The following USP36 variants were observed in gnomAD, a reference collection of about 807,000 sequenced individuals.
USP36 encodes the protein ubiquitin carboxyl-terminal hydrolase 36.
In USP36, 59 loss-of-function variants were observed where a neutral mutation model predicts 111.5. The ratio of observed to expected loss-of-function variants is 0.53; its 90% CI spans 0.43 to 0.66. The LOEUF is 0.66. Ranked by LOEUF, USP36 falls within the 30% of genes least tolerant of loss-of-function variation. The pLI is 0.00. For synonymous variants in USP36, 628 were observed against 581.0 expected, an observed-to-expected ratio of 1.08 and a Z score of -1.16; for missense variants, 1,488 against 1,468.0, an observed-to-expected ratio of 1.01 and a Z score of -0.22.
rs1425656675 is a variant in USP36, at chr17:78,803,334, G to T, written c.2810+51C>A. 6.4e-7 allele frequency: 1 copy of T among 1,557,614 alleles called. No individual in the cohort carries two copies. The highest frequency in any genetic ancestry group is 1.2e-5 in the South Asian group (1 of 84,792). ...ACTTGGGGGTAGATTCTGTGGTTTT[G>T]CTTTGTTTCTCGTCAGAGGTAGACA... On this transcript the variant is annotated intron_variant, in intron 16 of 20. Coordinates refer to ENST00000449938, the MANE Select transcript of USP36 (RefSeq NM_001385174.1). This position sits in a 1 kb window ranked among gnomAD's most constrained non-coding sequence, Gnocchi z 4.6.
chr17:78,815,298 C>G (rs2094153321), intron 10 of USP36, among the ~76,000 whole-genome samples: 1 of 152,198 alleles, frequency 6.6e-6, no homozygotes, highest in South Asian at 2.1e-4. Flanking sequence ...TACCACTGCA[C>G]TCCAGCCTCG....
At chr17:78,841,424 A>G (rs1405269621), upstream of USP36, 1 of 152,288 alleles carries the variant, frequency 6.6e-6, no homozygotes, top group South Asian at 2.1e-4. Flanking sequence ...TGCCGAGGAA[A>G]TGGCTCTTCG....
At chr17:78,832,503 T>A (rs781409034) in intron 4 of USP36, among the ~76,000 whole-genome samples, 1 of 152,252 alleles carries the variant, frequency 6.6e-6, no homozygotes, top group Non-Finnish European at 1.5e-5. Context: ...GGCGTTCCCC[T>A]TGAAGGGATG....
chr17:78,825,346 C>T (rs2067441808), intron 6 of USP36, among the ~76,000 whole-genome samples: 3 of 152,090 alleles, frequency 2.0e-5, no homozygotes, highest in African/African-American at 7.2e-5. Context: ...GACAAAAAGG[C>T]CCCTCCACCT....
rs200528045 is a variant in USP36 at position 78,798,947 on chromosome 17, G to A, written c.3201C>T (p.Thr1067=). Reference sequence around the variant, plus strand: ...ACTCTTCGTCCCAGTCATCAACCACGGTCTCAGTCCGGGCCTGTCTGCTGT... The same window carrying A: ...ACTCTTCGTCCCAGTCATCAACCACAGTCTCAGTCCGGGCCTGTCTGCTGT... ...IEDSRQARTE[T]VVDDWDEEFD... is the part of the protein sequence containing the mutation. Residue 1067 remains threonine (T), a synonymous_variant, in exon 19 of 21, where the codon ACC becomes ACT. Transcript: ENST00000449938. This position sits in a 1 kb window ranked among gnomAD's most constrained non-coding sequence, Gnocchi z 5.1. 452 of 1,613,972 alleles carry A rather than the reference G, an allele frequency of 2.8e-4. 2 individuals carry two copies. The highest frequency in any genetic ancestry group is 3.5e-4 in the Non-Finnish European group (414 of 1,180,036).
At position 78,799,739 on chromosome 17, in the gene USP36, T is replaced by C. The variant is rs1478990952; in HGVS notation, c.3052A>G (p.Asn1018Asp). ...ACCACATCAGACTCCCGCTCTCCATTCCAAGACACAGGAGGGGCCTGGCTC... is the reference window on the plus strand; with the variant it reads ...ACCACATCAGACTCCCGCTCTCCATCCCAAGACACAGGAGGGGCCTGGCTC... ...GLSQAPPVSW[N>D]GERESDVVQE... Residue 1018 changes from asparagine to aspartate, a missense_variant, in exon 18 of 21, where the codon AAT becomes GAT. Physicochemically the swap from Asn to Asp is conservative, Grantham distance 23 (BLOSUM62 1). Transcript: ENST00000449938. 1.2e-6 allele frequency: 2 copies of C among 1,610,724 alleles called. No homozygotes were observed. Among genetic ancestry groups the C allele is most frequent in the East Asian group, 4.5e-5 (2 of 44,386 alleles).
chr17:78,833,061 T>A (rs1011228155), intron 4 of USP36, among the ~76,000 whole-genome samples: 3 of 151,810 alleles, frequency 2.0e-5, no homozygotes, highest in African/African-American at 7.3e-5. Flanking sequence ...GGCAGGAGAC[T>A]CTCTTGAACA....
At chr17:78,827,179 T>C in intron 6 of USP36, 66 bp downstream of exon 6, 1 of 1,512,838 alleles carries the variant, frequency 6.6e-7, no homozygotes, top group Middle Eastern at 1.7e-4. Flanking sequence ...GCCATAGGAA[T>C]GTTCTGCTGC....
chr17:78,813,798 G>C lies in USP36; in HGVS notation c.1240C>G (p.Gln414Glu). The C allele has an allele frequency of 6.2e-7, 1 of 1,614,102 alleles. No individual in the cohort carries two copies. The highest frequency in any genetic ancestry group is 2.2e-5 in the East Asian group (1 of 44,882). ...CGCAGATAGAACAGCACGTAGGCCTGCTGGTTCAGAACCACCTTGACGTTG... is the reference window on the plus strand; with the variant it reads ...CGCAGATAGAACAGCACGTAGGCCTCCTGGTTCAGAACCACCTTGACGTTG... ...SSNVKVVLNQ[Q>E]AYVLFYLRIP... is the part of the protein sequence containing the mutation. Residue 414 changes from glutamine to glutamate, a missense_variant, in exon 12 of 21, where the codon CAG becomes GAG. Gln to Glu is a conservative substitution (Grantham distance 29). Coordinates refer to ENST00000449938, the MANE Select transcript of USP36 (RefSeq NM_001385174.1).
chr17:78,805,752 A>C (rs1489386112), intron 15 of USP36, among the ~76,000 whole-genome samples: 1 of 152,052 alleles, frequency 6.6e-6, no homozygotes, highest in East Asian at 1.9e-4. Context: ...GTCCCACAAA[A>C]AACGCTCGGG....
chr17:78,794,252 A>T (rs113602007), downstream of USP36, among the ~76,000 whole-genome samples: 552 of 152,342 alleles, frequency 3.6e-3, 2 homozygotes, highest in African/African-American at 0.013. Flanking sequence ...CTTTCAGGCC[A>T]TCAGGCAGCC....
At chr17:78,806,833 C>T (rs1344672290) in intron 14 of USP36, 126 bp downstream of exon 14, 3 of 1,334,934 alleles carry the variant, frequency 2.2e-6, no homozygotes, top group Non-Finnish European at 3.1e-6. Context: ...CTAAAAGACA[C>T]TTTGTTCCTC....
chr17:78,814,986 G>T (rs973168948), intron 10 of USP36, among the ~76,000 whole-genome samples: 1 of 151,442 alleles, frequency 6.6e-6, no homozygotes, highest in Non-Finnish European at 1.5e-5. Context: ...GACAATTTGG[G>T]GCGAATGGGT....
In USP36 at chr17:78,796,909, A is replaced by G. The variant is rs554090654; in HGVS notation, c.*991T>C. On this transcript the variant is annotated 3_prime_UTR_variant, in exon 21 of 21. Coordinates refer to ENST00000449938, the MANE Select transcript of USP36 (RefSeq NM_001385174.1). ...TCTCTGAGGATTTCCTGTATTTATT[A>G]AGTTACAAGTTGGCAGGCACAGCTT... 1.3e-5 allele frequency: 2 copies of G among 152,252 alleles called. No individual in the cohort carries two copies. The highest frequency in any genetic ancestry group is 4.8e-5 in the African/African-American group (2 of 41,464). 9.4% of individuals were successfully genotyped at this position (152,252 alleles called of 1,614,324 possible). A position where few individuals can be genotyped will look rare whatever the true frequency, so the allele number is the denominator to read the frequency against.
At chr17:78,839,050 TAAATCC>T (rs919607121) in intron 1 of USP36, among the ~76,000 whole-genome samples, 1 of 152,134 alleles carries the variant, frequency 6.6e-6, no homozygotes, top group Non-Finnish European at 1.5e-5. Flanking sequence ...TAAGAGGTAA[TAAATCC>T]CCAAGTTTTG....
Position 78,806,938 on chromosome 17 carries a change from G to A in USP36, c.2085+21C>T, listed in dbSNP as rs2093918398. On this transcript the variant is annotated intron_variant, in intron 14 of 20. Transcript: ENST00000449938. Reference sequence around the variant, plus strand: ...GGAGCTCTCCTGATACACAGCAGCGGCGAGACCCCCACACACCCACCTTCT... The same window carrying A: ...GGAGCTCTCCTGATACACAGCAGCGACGAGACCCCCACACACCCACCTTCT... 4 of 1,611,056 alleles carry A rather than the reference G, an allele frequency of 2.5e-6. No individual in the cohort carries two copies. In the African/African-American group the frequency reaches 5.3e-5, roughly 22 times the overall value.
chr17:78,798,287 G>T lies in USP36; in HGVS notation c.*20+113C>A. 1 of 1,387,986 alleles carries T rather than the reference G, an allele frequency of 7.2e-7. No homozygotes were observed. Among genetic ancestry groups the T allele is most frequent in the Non-Finnish European group, 9.7e-7 (1 of 1,028,190 alleles). The allele number at this position is 1,387,986 out of a possible 1,614,324, so 86.0% of individuals were successfully genotyped here. ...CACACCACCCAACACACATGTGCCA[G>T]ATACACAGCCCACATACATCATACA... On this transcript the variant is annotated intron_variant, in intron 20 of 20. Transcript: ENST00000449938. The surrounding 1 kb of genome is among the most constrained non-coding windows in gnomAD (Gnocchi z 5.1).
intron 4 of USP36, among the ~76,000 whole-genome samples, chr17:78,831,975 C>T (rs2068169003): frequency 6.6e-6 from 1 of 150,534 alleles, no homozygotes; most frequent in Non-Finnish European, 1.5e-5. Flanking sequence ...TTCTTTCAGC[C>T]TAATAAAATA....
At chr17:78,801,117 G>A (rs2093732505) in intron 17 of USP36, among the ~76,000 whole-genome samples, 1 of 151,868 alleles carries the variant, frequency 6.6e-6, no homozygotes, top group African/African-American at 2.4e-5. Context: ...GCTGGGACTA[G>A]AGGCGCCCGC....
Sources: gnomAD v4.1 joint callset for allele counts (sites outside exome capture counted in the v4.1 genomes callset) on GRCh38, gnomAD v4.1.1 for gene constraint, Gnocchi (gnomAD v3.1) non-coding constraint, MANE v1.5 for transcripts, NCBI Gene and HGNC (gene_info 2026-07-23, HGNC 2026-07-21) for gene names.